PTP4A1: variants seen among roughly 807,000 people sequenced by gnomAD.
PTP4A1 encodes protein tyrosine phosphatase type IVA 1.
Under a neutral mutation model 20.5 loss-of-function variants are expected in PTP4A1, and 9 were observed. The ratio of observed to expected loss-of-function variants is 0.44; its 90% CI spans 0.26 to 0.77. The LOEUF is 0.77. PTP4A1 is among the 30% of genes least tolerant of loss of function. The pLI is 0.19. For synonymous variants in PTP4A1, 78 were observed against 67.4 expected, an observed-to-expected ratio of 1.16 and a Z score of -0.77; for missense variants, 137 against 218.8, an observed-to-expected ratio of 0.63 and a Z score of 2.36.
At chr6:63,550,441 G>A (rs1279260328) in exon 3 of PTP4A1, 1 of 152,094 alleles carries the variant, frequency 6.6e-6, no homozygotes, top group Non-Finnish European at 1.5e-5. Flanking sequence ...TACAAAAATT[G>A]AAGCGTTCTT....
intron 4 of PTP4A1, 79 bp downstream of exon 4, chr6:63,579,107 T>C (rs964971306): frequency 3.5e-6 from 5 of 1,408,784 alleles, no homozygotes; most frequent in Non-Finnish European, 4.7e-6. Context: ...ATTCTTATAA[T>C]TTTTTAATAT....
chr6:63,558,045 T>C (rs1776765764), intron 3 of PTP4A1, among the ~76,000 whole-genome samples: 1 of 152,040 alleles, frequency 6.6e-6, no homozygotes, highest in Non-Finnish European at 1.5e-5. Flanking sequence ...GTAATTTTTG[T>C]ATTTTTAGTA....
intron 2 of PTP4A1, among the ~76,000 whole-genome samples, chr6:63,547,702 G>C (rs751549856): frequency 1.0e-4 from 15 of 148,552 alleles, no homozygotes; most frequent in Non-Finnish European, 2.1e-4. Flanking sequence ...CAGTAGAGAC[G>C]GGGTTTCACC....
At chr6:63,561,758 T>G (rs1436499369) in intron 3 of PTP4A1, among the ~76,000 whole-genome samples, 2 of 152,240 alleles carry the variant, frequency 1.3e-5, no homozygotes, top group African/African-American at 4.8e-5. Context: ...GGGCATTATA[T>G]TCTCACATTT....
intron 3 of PTP4A1, among the ~76,000 whole-genome samples, chr6:63,553,870 C>A (rs1776554394): frequency 6.6e-6 from 1 of 152,086 alleles, no homozygotes; most frequent in Admixed American, 6.6e-5. Flanking sequence ...GTATTTGAGT[C>A]AGGTTATTCA....
chr6:63,564,701 T>G (rs1339491275), intron 3 of PTP4A1, among the ~76,000 whole-genome samples: 2 of 152,220 alleles, frequency 1.3e-5, no homozygotes, highest in Non-Finnish European at 2.9e-5. Flanking sequence ...CTAAGCTATT[T>G]TTGCCTCAGT....
At chr6:63,559,613 T>G (rs1203054430) in intron 3 of PTP4A1, among the ~76,000 whole-genome samples, 3 of 151,800 alleles carry the variant, frequency 2.0e-5, no homozygotes, top group Non-Finnish European at 2.9e-5. Flanking sequence ...GGCATGGTGG[T>G]GTATGCCTGT....
intron 1 of PTP4A1, among the ~76,000 whole-genome samples, chr6:63,523,919 T>TTCTAAGGTATGACTG (rs1775048931): frequency 6.6e-6 from 1 of 152,162 alleles, no homozygotes; most frequent in African/African-American, 2.4e-5. Flanking sequence ...ATTCTCAAGT[T>TTCTAAGGTATGACTG]TCTAAGGTAT....
chr6:63,568,886 C>T (rs1777297311), upstream of PTP4A1, among the ~76,000 whole-genome samples: 1 of 152,112 alleles, frequency 6.6e-6, no homozygotes, highest in Admixed American at 6.6e-5. Context: ...GCACTAGTAT[C>T]CAGACACTTA....
At chr6:63,550,059 T>C (rs1224391363) in intron 2 of PTP4A1, among the ~76,000 whole-genome samples, 1 of 152,214 alleles carries the variant, frequency 6.6e-6, no homozygotes, top group African/African-American at 2.4e-5. Context: ...CATATCACTA[T>C]GTACTCCATA....
chr6:63,552,143 G>C (rs1280695083), intron 3 of PTP4A1, among the ~76,000 whole-genome samples: 4 of 152,150 alleles, frequency 2.6e-5, no homozygotes, highest in Admixed American at 1.3e-4. Context: ...GGTTGAACTA[G>C]TTTACAGTCC....
At chr6:63,550,925 C>T (rs2149489995) in intron 3 of PTP4A1, among the ~76,000 whole-genome samples, 1 of 152,208 alleles carries the variant, frequency 6.6e-6, no homozygotes, top group Middle Eastern at 3.4e-3. Context: ...CGTGCCCAGC[C>T]CCATAATTTT....
chr6:63,529,127 A>G (rs1045085887), intron 2 of PTP4A1, among the ~76,000 whole-genome samples: 1 of 140,726 alleles, frequency 7.1e-6, no homozygotes, highest in Non-Finnish European at 1.5e-5. Flanking sequence ...ATATGTATAT[A>G]TATGTGTGTG....
At chr6:63,529,302 C>T (rs994262732) in intron 2 of PTP4A1, among the ~76,000 whole-genome samples, 1 of 150,636 alleles carries the variant, frequency 6.6e-6, no homozygotes, top group Admixed American at 6.6e-5. Context: ...TAGTCTTTCT[C>T]TACATAACAT....
intron 2 of PTP4A1, among the ~76,000 whole-genome samples, chr6:63,533,046 A>G (rs926838516): frequency 3.3e-5 from 5 of 152,206 alleles, no homozygotes; most frequent in Non-Finnish European, 5.9e-5. Context: ...ATCAAAATCT[A>G]TAAGCATTCA....
At chr6:63,555,296 G>A (rs1184493790) in intron 3 of PTP4A1, among the ~76,000 whole-genome samples, 1 of 152,180 alleles carries the variant, frequency 6.6e-6, no homozygotes, top group Non-Finnish European at 1.5e-5. Flanking sequence ...TTTTTAGAAT[G>A]AAACAAGGAA....
At chr6:63,562,010 T>C (rs1047852187) in intron 3 of PTP4A1, among the ~76,000 whole-genome samples, 2 of 152,084 alleles carry the variant, frequency 1.3e-5, no homozygotes, top group African/African-American at 4.8e-5. Context: ...GGAAAAAAAA[T>C]ACAAAATATA....
intron 3 of PTP4A1, among the ~76,000 whole-genome samples, chr6:63,559,658 T>A (rs906852148): frequency 2.0e-5 from 3 of 151,784 alleles, no homozygotes; most frequent in Admixed American, 6.6e-5. Flanking sequence ...GGCAGGAGAA[T>A]CACTGGAACC....
upstream of PTP4A1, among the ~76,000 whole-genome samples, chr6:63,516,825 T>G (rs955881719): frequency 1.3e-5 from 2 of 152,174 alleles, no homozygotes; most frequent in African/African-American, 4.8e-5. Context: ...AATATGGACA[T>G]GAAGGCAGAA....
Sources: allele counts gnomAD v4.1 joint callset (sites outside exome capture counted in the v4.1 genomes callset), GRCh38; gene constraint gnomAD v4.1.1; transcripts MANE v1.5; gene names NCBI Gene and HGNC (gene_info 2026-07-23, HGNC 2026-07-21).